Variants in KAZN observed in about 807,000 individuals in gnomAD.
KAZN encodes kazrin, periplakin interacting protein.
A neutral mutation model predicts 87.4 loss-of-function variants in KAZN; 40 were observed. The ratio of observed to expected loss-of-function variants is 0.46; its 90% CI spans 0.36 to 0.60. KAZN has a LOEUF of 0.60. Ranked by LOEUF, KAZN falls within the 20% of genes least tolerant of loss-of-function variation. The pLI is 0.00. For synonymous variants in KAZN, 466 were observed against 458.3 expected (o/e 1.02, Z -0.22); for missense variants, 898 against 1,073.9 (o/e 0.84, Z 2.29).
intron 2 of KAZN, among the ~76,000 whole-genome samples, chr1:14,539,038 G>A (rs1672660242): frequency 6.6e-6 from 1 of 152,156 alleles, no homozygotes; most frequent in African/African-American, 2.4e-5. Context: ...AACAAGGGAA[G>A]GACTATACCA....
At chr1:14,102,657 T>C (rs1644283191) in intron 1 of KAZN, among the ~76,000 whole-genome samples, 1 of 152,170 alleles carries the variant, frequency 6.6e-6, no homozygotes, top group Non-Finnish European at 1.5e-5. Context: ...CCTGGTGCCT[T>C]CAGGGCCCTC....
At chr1:13,982,622 G>C (rs918869470) in intron 1 of KAZN, among the ~76,000 whole-genome samples, 1 of 152,206 alleles carries the variant, frequency 6.6e-6, no homozygotes, top group African/African-American at 2.4e-5. Flanking sequence ...CTGATTGGTA[G>C]AGCCGAGTGG....
intron 2 of KAZN, among the ~76,000 whole-genome samples, chr1:14,593,329 G>A (rs1640798482): frequency 1.3e-5 from 2 of 152,218 alleles, no homozygotes; most frequent in Admixed American, 1.3e-4. Flanking sequence ...CTTTGGAGAA[G>A]CATCTATCAC....
chr1:15,104,348 A>T (rs1457827754), intron 13 of KAZN, among the ~76,000 whole-genome samples, 159 bp downstream of exon 13: 1 of 152,212 alleles, frequency 6.6e-6, no homozygotes, highest in Non-Finnish European at 1.5e-5. Flanking sequence ...CAGGAAACTA[A>T]GGCTCAGAGA....
chr1:14,899,982 T>C (rs918605171), intron 1 of KAZN, among the ~76,000 whole-genome samples: 5 of 152,226 alleles, frequency 3.3e-5, no homozygotes, highest in African/African-American at 1.2e-4. Context: ...TCGTCCCGCA[T>C]TCTTCTTCCC....
At chr1:14,024,729 G>A (rs1050069545) in intron 1 of KAZN, among the ~76,000 whole-genome samples, 1 of 152,208 alleles carries the variant, frequency 6.6e-6, no homozygotes, top group Non-Finnish European at 1.5e-5. Context: ...CCAGGGGAGG[G>A]AGTGGCACAT....
chr1:14,410,369 T>G (rs1302086420), intron 2 of KAZN, among the ~76,000 whole-genome samples: 1 of 152,208 alleles, frequency 6.6e-6, no homozygotes, highest in Non-Finnish European at 1.5e-5. Flanking sequence ...TCCAAAGTGC[T>G]AGGACTATAG....
chr1:14,388,199 C>G (rs1305023389), intron 2 of KAZN, among the ~76,000 whole-genome samples: 1 of 152,166 alleles, frequency 6.6e-6, no homozygotes, highest in Non-Finnish European at 1.5e-5. Flanking sequence ...CACCCCCTGA[C>G]CTGCGCCCAC....
intron 1 of KAZN, among the ~76,000 whole-genome samples, chr1:13,970,055 A>G (rs1642082854): frequency 6.6e-6 from 1 of 152,204 alleles, no homozygotes; most frequent in African/African-American, 2.4e-5. Flanking sequence ...TGCTATTTCT[A>G]TTCTACTAAA....
chr1:14,410,670 C>T (rs1664231971), intron 2 of KAZN, among the ~76,000 whole-genome samples: 1 of 152,114 alleles, frequency 6.6e-6, no homozygotes, highest in Non-Finnish European at 1.5e-5. Flanking sequence ...TCAGAACTGT[C>T]CTTATGAGAG....
At chr1:14,443,468 C>T (rs547655046) in intron 2 of KAZN, among the ~76,000 whole-genome samples, 4 of 152,310 alleles carry the variant, frequency 2.6e-5, no homozygotes, top group South Asian at 4.1e-4. Flanking sequence ...CAGCCCACCT[C>T]GTTTGCAAAT....
intron 1 of KAZN, among the ~76,000 whole-genome samples, chr1:13,912,998 G>A (rs888218448): frequency 1.4e-4 from 21 of 152,290 alleles, no homozygotes; most frequent in Middle Eastern, 3.4e-3. Flanking sequence ...CATCCTGCAT[G>A]GCCCCTAAGA....
intron 1 of KAZN, among the ~76,000 whole-genome samples, chr1:14,116,349 T>C (rs1644617535): frequency 6.6e-6 from 1 of 152,196 alleles, no homozygotes; most frequent in Non-Finnish European, 1.5e-5. Flanking sequence ...GGATCTGGCA[T>C]TCTCCATCCC....
At chr1:15,082,788 G>C (rs112572602) in intron 8 of KAZN, among the ~76,000 whole-genome samples, 87 of 152,312 alleles carry the variant, frequency 5.7e-4, no homozygotes, top group African/African-American at 2.0e-3. Flanking sequence ...CACCTCCCAG[G>C]TTCAAGCGAT....
At chr1:14,414,292 C>G (rs1294911022) in intron 2 of KAZN, among the ~76,000 whole-genome samples, 1 of 144,308 alleles carries the variant, frequency 6.9e-6, no homozygotes, top group Non-Finnish European at 1.5e-5. Context: ...CACGAGTTCC[C>G]AAAGTAACTG....
intron 1 of KAZN, among the ~76,000 whole-genome samples, chr1:13,983,907 G>A (rs1638880569): frequency 6.6e-6 from 1 of 151,948 alleles, no homozygotes; most frequent in Non-Finnish European, 1.5e-5. Flanking sequence ...GTGGAAAGGG[G>A]GAGGTTCTTA....
chr1:14,558,828 G>A (rs1674077616), intron 2 of KAZN, among the ~76,000 whole-genome samples: 1 of 152,110 alleles, frequency 6.6e-6, no homozygotes, highest in African/African-American at 2.4e-5. Flanking sequence ...TTGTTGCACA[G>A]AACAGAAATC....
intron 1 of KAZN, among the ~76,000 whole-genome samples, chr1:14,777,094 G>A (rs1166780472): frequency 4.6e-5 from 7 of 152,120 alleles, no homozygotes; most frequent in Non-Finnish European, 1.0e-4. Flanking sequence ...GCTGCCTCCC[G>A]GGTTCACGCC....
chr1:14,628,363 G>A (rs1041051463), intron 1 of KAZN, among the ~76,000 whole-genome samples: 4 of 152,224 alleles, frequency 2.6e-5, no homozygotes, highest in Non-Finnish European at 4.4e-5. Flanking sequence ...TTGCCAAGTC[G>A]TTTGGGGCCT....
Sources: gnomAD v4.1 joint callset for allele counts (sites outside exome capture counted in the v4.1 genomes callset) on GRCh38, gnomAD v4.1.1 for gene constraint, MANE v1.5 for transcripts, NCBI Gene and HGNC (gene_info 2026-07-23, HGNC 2026-07-21) for gene names.